CLCN3: variants seen among roughly 807,000 people sequenced by gnomAD.
The protein encoded by CLCN3 is Cl-/H+ antiporter 3, also known as H(+)/Cl(-) exchange transporter 3.
In CLCN3, 16 loss-of-function variants were observed where a neutral mutation model predicts 83.4. The observed-to-expected ratio is 0.19, with a 90% CI of 0.13 to 0.29. The LOEUF is 0.29. Ranked by LOEUF, CLCN3 falls within the 10% of genes least tolerant of loss-of-function variation. The pLI is 1.00. For synonymous variants in CLCN3, 322 were observed against 346.2 expected, an observed-to-expected ratio of 0.93 and a Z score of 0.78; for missense variants, 544 against 1,006.0, an observed-to-expected ratio of 0.54 and a Z score of 6.21.
intron 1 of CLCN3, among the ~76,000 whole-genome samples, chr4:169,633,098 C>T (rs1420482827): frequency 6.6e-6 from 1 of 152,096 alleles, no homozygotes; most frequent in Non-Finnish European, 1.5e-5. Context: ...CTGCAACTGC[C>T]GCCTCTCTGG....
At chr4:169,710,575 AT>A (rs1283430296) in intron 11 of CLCN3, among the ~76,000 whole-genome samples, 1 of 152,156 alleles carries the variant, frequency 6.6e-6, no homozygotes, top group African/African-American at 2.4e-5. Flanking sequence ...GAAAAGTGTT[AT>A]TTTTTTAAAT....
Position 169,720,235 on chromosome 4 carries a change from A to G in CLCN3, c.*238A>G, listed in dbSNP as rs887636999. On this transcript the variant is annotated 3_prime_UTR_variant, in exon 13 of 13. Transcript: ENST00000513761. Reference sequence around the variant, plus strand: ...GTGAGGTATTTCCCGTCTAACAGAAAGCAGCGTATCAACTCCTATTGTTCT... The same window carrying G: ...GTGAGGTATTTCCCGTCTAACAGAAGGCAGCGTATCAACTCCTATTGTTCT... 9 of 605,148 alleles carry G rather than the reference A, an allele frequency of 1.5e-5. No homozygotes were observed. The highest frequency in any genetic ancestry group is 2.6e-5 in the Non-Finnish European group (9 of 344,652). The allele number at this position is 605,148 out of a possible 1,614,324, so 37.5% of individuals were successfully genotyped here.
chr4:169,645,257 G>A (rs1343363589), intron 2 of CLCN3, among the ~76,000 whole-genome samples: 1 of 152,028 alleles, frequency 6.6e-6, no homozygotes, highest in African/African-American at 2.4e-5. Context: ...CATGAATAAG[G>A]TGACTTGTTA....
chr4:169,704,939 A>G lies in CLCN3; in HGVS notation c.1750+755A>G, dbSNP rs563757668. Among the ~76,000 whole-genome samples the G allele has an allele frequency of 3.7e-4, 56 of 152,342 alleles. 1 individual carries two copies. The highest frequency in any genetic ancestry group is 1.3e-3 in the African/African-American group (54 of 41,584). ...ACTCATTTTCACCAAAGTAGCAAGT[A>G]TTTATTAAATGTCCACTTTCTTTTT... On this transcript the variant is annotated intron_variant, in intron 10 of 12. Transcript: ENST00000513761.
chr4:169,631,162 GTT>G (rs1289411721), intron 1 of CLCN3, among the ~76,000 whole-genome samples: 1 of 152,092 alleles, frequency 6.6e-6, no homozygotes, highest in Non-Finnish European at 1.5e-5. Context: ...GTGAGATGGT[GTT>G]TCATTGTGGT....
intron 9 of CLCN3, among the ~76,000 whole-genome samples, chr4:169,698,214 A>C (rs930356486): frequency 2.0e-5 from 3 of 152,214 alleles, no homozygotes; most frequent in African/African-American, 7.2e-5. Context: ...CCATCACCTC[A>C]AGCATTTATC....
At position 169,620,759 on chromosome 4, in the gene CLCN3, T is replaced by C. The variant is rs1773092019; in HGVS notation, c.-321T>C. 1 of 398,596 alleles carries C rather than the reference T, an allele frequency of 2.5e-6. No individual in the cohort carries two copies. Among genetic ancestry groups the C allele is most frequent in the East Asian group, 3.6e-5 (1 of 28,072 alleles). The allele number at this position is 398,596 out of a possible 1,614,324, so 24.7% of individuals were successfully genotyped here. A position where few individuals can be genotyped will look rare whatever the true frequency, so the allele number is the denominator to read the frequency against. On this transcript the variant is annotated 5_prime_UTR_variant, in exon 1 of 13. Coordinates refer to ENST00000513761, the MANE Select transcript of CLCN3 (RefSeq NM_001829.4). ...TTTAGTCTTAAGGGGGAAGTGAGAT[T>C]GGAGATTTTTATTTTTAATTTTGGG... is the stretch of plus-strand genomic sequence containing the variant.
chr4:169,641,633 A>G (rs6828248), intron 2 of CLCN3, among the ~76,000 whole-genome samples: 64 of 152,110 alleles, frequency 4.2e-4, no homozygotes, highest in African/African-American at 1.5e-3. Context: ...TGGCATATTC[A>G]TAACTACTGC....
chr4:169,640,747 A>G (rs1466603154), intron 2 of CLCN3, among the ~76,000 whole-genome samples: 2 of 152,162 alleles, frequency 1.3e-5, no homozygotes, highest in Non-Finnish European at 2.9e-5. Context: ...GAAGCACATG[A>G]CTGTTCATGA....
intron 2 of CLCN3, among the ~76,000 whole-genome samples, chr4:169,679,755 C>G (rs915946850): frequency 8.5e-5 from 13 of 152,142 alleles, no homozygotes; most frequent in African/African-American, 3.1e-4. Flanking sequence ...TCAGGCGTGG[C>G]GGCGCGTGCC....
chr4:169,653,640 C>CAAAAAAAAA (rs70964215), intron 2 of CLCN3, among the ~76,000 whole-genome samples: 1 of 73,624 alleles, frequency 1.4e-5, no homozygotes, highest in Non-Finnish European at 2.4e-5. Context: ...GACTCCGTCT[C>CAAAAAAAAA]AAAAAAAAAA....
intron 12 of CLCN3, among the ~76,000 whole-genome samples, chr4:169,718,229 A>G (rs915734003): frequency 1.3e-5 from 2 of 151,926 alleles, no homozygotes; most frequent in Admixed American, 6.6e-5. Context: ...GACTGGTTAA[A>G]AATGTCTGAC....
At position 169,664,435 on chromosome 4, in the gene CLCN3, T is replaced by C. The variant is rs539842644; in HGVS notation, c.161-15615T>C. Among the ~76,000 whole-genome samples the C allele has an allele frequency of 7.6e-4, 116 of 152,288 alleles. 2 individuals carry two copies. In the South Asian group the frequency reaches 8.3e-3, roughly 11 times the overall value. On this transcript the variant is annotated intron_variant, in intron 2 of 12. Coordinates refer to ENST00000513761, the MANE Select transcript of CLCN3 (RefSeq NM_001829.4). ...TTGAAAATCCAGGTGTTATATGATA[T>C]TCTTATTGCCAGAGGGACATTCTGC... is the stretch of plus-strand genomic sequence containing the variant.
chr4:169,710,950 C>T (rs144066913), intron 11 of CLCN3, among the ~76,000 whole-genome samples: 2 of 152,110 alleles, frequency 1.3e-5, no homozygotes, highest in Non-Finnish European at 2.9e-5. Context: ...CCTCAACCTC[C>T]GGAGCACATG....
At chr4:169,675,662 T>C (rs1045358827) in intron 2 of CLCN3, among the ~76,000 whole-genome samples, 2 of 152,208 alleles carry the variant, frequency 1.3e-5, no homozygotes, top group Non-Finnish European at 2.9e-5. Context: ...TATGCTAAAA[T>C]CACCTATTTG....
chr4:169,673,671 C>T (rs904636508), intron 2 of CLCN3, among the ~76,000 whole-genome samples: 1 of 151,948 alleles, frequency 6.6e-6, no homozygotes, highest in Non-Finnish European at 1.5e-5. Flanking sequence ...CAAAATATTT[C>T]ATAGTAGGCT....
chr4:169,680,349 T>G, intron 3 of CLCN3, 142 bp downstream of exon 3: 1 of 625,560 alleles, frequency 1.6e-6, no homozygotes. Context: ...GGTACATGTT[T>G]TTTTCTTTTT....
At chr4:169,706,177 C>T (rs1331624081) in intron 10 of CLCN3, among the ~76,000 whole-genome samples, 2 of 152,032 alleles carry the variant, frequency 1.3e-5, no homozygotes, top group African/African-American at 4.8e-5. Context: ...CACAGACATA[C>T]ACCACCATGC....
Position 169,720,324 on chromosome 4 carries a change from C to T in CLCN3, c.*327C>T, listed in dbSNP as rs1158417253. On this transcript the variant is annotated 3_prime_UTR_variant, in exon 13 of 13. Transcript: ENST00000513761. ...CAGGCTTGCGCCTCAACAGAGATGA[C>T]AGCAGAGTCCTCGAGCACCTGGCCT... 1 of 338,038 alleles carries T rather than the reference C, an allele frequency of 3.0e-6. No homozygotes were observed. The highest frequency in any genetic ancestry group is 5.3e-6 in the Non-Finnish European group (1 of 187,148). 20.9% of individuals were successfully genotyped at this position (338,038 alleles called of 1,614,324 possible). A position where few individuals can be genotyped will look rare whatever the true frequency, so the allele number is the denominator to read the frequency against.
Sources: gnomAD v4.1 joint callset for allele counts (sites outside exome capture counted in the v4.1 genomes callset) on GRCh38, gnomAD v4.1.1 for gene constraint, MANE v1.5 for transcripts, NCBI Gene and HGNC (gene_info 2026-07-23, HGNC 2026-07-21) for gene names.